GLIS3: variants seen among roughly 807,000 people sequenced by gnomAD.
GLIS3 encodes the protein GLIS family zinc finger 3, also known as zinc finger protein GLIS3.
In GLIS3, 53 loss-of-function variants were observed where a neutral mutation model predicts 78.6. That is an observed-to-expected ratio of 0.67 (90% confidence interval 0.54 to 0.85). The LOEUF is 0.85. Among genes scored for constraint, GLIS3 ranks in the 40% least tolerant of loss-of-function variants. The pLI is 0.00. For missense variants in GLIS3, 1,703 were observed against 1,231.1 expected, an observed-to-expected ratio of 1.38 and a Z score of -5.74; for synonymous variants, 684 against 509.9, an observed-to-expected ratio of 1.34 and a Z score of -4.60.
chr9:3,828,553 T>G, intron 10 of GLIS3, 145 bp from the exon 11 acceptor site: 4 of 1,014,150 alleles, frequency 3.9e-6, no homozygotes, highest in Non-Finnish European at 5.9e-6. Context: ...AGTGAGTCTC[T>G]GTTTCCAGCG....
At position 3,913,292 on chromosome 9, in the gene GLIS3, C is replaced by T. The variant is rs182852007; in HGVS notation, c.1984-14457G>A. Among the ~76,000 whole-genome samples, 10 of 152,292 alleles carry T rather than the reference C, an allele frequency of 6.6e-5. No individual in the cohort carries two copies. The East Asian group carries it at 1.7e-3, about 26-fold the overall frequency. ...CCTACTTCTAAAAGTTGAAGACTGT[C>T]GTTTCAATGGAGAGCACTTGCTTTT... is the stretch of plus-strand genomic sequence containing the variant. On this transcript the variant is annotated intron_variant, in intron 6 of 10. Transcript: ENST00000381971.
chr9:4,135,397 T>C (rs1246968802), intron 2 of GLIS3, among the ~76,000 whole-genome samples: 1 of 152,152 alleles, frequency 6.6e-6, no homozygotes, highest in Non-Finnish European at 1.5e-5. Flanking sequence ...TCTGAATTCA[T>C]TCAAATATGA....
At chr9:4,160,745 A>G (rs1835408925) in intron 2 of GLIS3, among the ~76,000 whole-genome samples, 1 of 152,200 alleles carries the variant, frequency 6.6e-6, no homozygotes, top group Non-Finnish European at 1.5e-5. Flanking sequence ...GTACTTTCCA[A>G]CCTATTCTAT....
chr9:4,242,862 T>G (rs2129728976), intron 2 of GLIS3, among the ~76,000 whole-genome samples: 1 of 152,160 alleles, frequency 6.6e-6, no homozygotes, highest in East Asian at 1.9e-4. Context: ...AATATTAACT[T>G]GTTTCATTTT....
chr9:4,302,335 C>T (rs975140023), upstream of GLIS3, among the ~76,000 whole-genome samples: 2 of 152,174 alleles, frequency 1.3e-5, no homozygotes, highest in African/African-American at 4.8e-5. Flanking sequence ...GTGCCTCAAC[C>T]GCTGACTCAG....
At chr9:4,208,302 G>C (rs1034577960) in intron 2 of GLIS3, among the ~76,000 whole-genome samples, 1 of 152,200 alleles carries the variant, frequency 6.6e-6, no homozygotes, top group Non-Finnish European at 1.5e-5. Flanking sequence ...GGGATGGAGA[G>C]GACTCCTGTT....
chr9:4,399,005 C>A, the GLIS3 span, among the ~76,000 whole-genome samples: 1 of 152,254 alleles, frequency 6.6e-6, no homozygotes, highest in East Asian at 1.9e-4. Context: ...TTCTTAGATT[C>A]CTTTGTTTTC....
chr9:4,173,753 T>C (rs925050222), intron 2 of GLIS3, among the ~76,000 whole-genome samples: 1 of 152,106 alleles, frequency 6.6e-6, no homozygotes, highest in Non-Finnish European at 1.5e-5. Flanking sequence ...TGTGCCACCA[T>C]GCCCAGTAAG....
chr9:4,475,301 A>G, the GLIS3 span, among the ~76,000 whole-genome samples: 1 of 152,254 alleles, frequency 6.6e-6, no homozygotes, highest in Non-Finnish European at 1.5e-5. Flanking sequence ...GGCTGAACAG[A>G]TGCTTCACAG....
the GLIS3 span, among the ~76,000 whole-genome samples, chr9:4,398,615 C>A: frequency 6.6e-6 from 1 of 152,004 alleles, no homozygotes; most frequent in South Asian, 2.1e-4. Context: ...TGGCTCCTCA[C>A]TCACCCTCTT....
At chr9:4,166,967 G>T (rs755996981) in intron 2 of GLIS3, among the ~76,000 whole-genome samples, 1 of 152,180 alleles carries the variant, frequency 6.6e-6, no homozygotes, top group South Asian at 2.1e-4. Flanking sequence ...TCCTGTTTGC[G>T]AACAACTCCA....
intron 4 of GLIS3, among the ~76,000 whole-genome samples, chr9:4,063,477 T>C (rs1826828160): frequency 6.6e-6 from 1 of 151,802 alleles, no homozygotes; most frequent in Non-Finnish European, 1.5e-5. Context: ...TTTAGCGCAT[T>C]AACAGAATAA....
chr9:3,908,109 C>A (rs1823846657), intron 6 of GLIS3, among the ~76,000 whole-genome samples: 1 of 152,122 alleles, frequency 6.6e-6, no homozygotes, highest in South Asian at 2.1e-4. Context: ...TTTGCCAGAA[C>A]AATAAGGACT....
intron 4 of GLIS3, chr9:4,305,821 G>C (rs1452997862): frequency 6.6e-6 from 1 of 152,194 alleles, no homozygotes; most frequent in African/African-American, 2.4e-5. Flanking sequence ...ACTTGGTGAA[G>C]GGAAGGGTGG....
At chr9:3,968,358 C>G (rs1049167160) in intron 4 of GLIS3, among the ~76,000 whole-genome samples, 7 of 151,990 alleles carry the variant, frequency 4.6e-5, no homozygotes, top group African/African-American at 1.7e-4. Flanking sequence ...CTCATGGTAG[C>G]CTAATTAAAT....
intron 9 of GLIS3, among the ~76,000 whole-genome samples, chr9:3,835,458 G>C (rs1029532838): frequency 6.6e-6 from 1 of 152,216 alleles, no homozygotes; most frequent in Admixed American, 6.5e-5. Context: ...TGATATGTCA[G>C]ATGGGAAAAC....
intron 2 of GLIS3, among the ~76,000 whole-genome samples, chr9:4,273,238 C>T (rs1826677640): frequency 6.6e-6 from 1 of 152,170 alleles, no homozygotes; most frequent in Admixed American, 6.5e-5. Context: ...TCTATACTAC[C>T]TCACACAGAT....
the GLIS3 span, among the ~76,000 whole-genome samples, chr9:4,366,525 G>A: frequency 2.6e-5 from 4 of 152,144 alleles, no homozygotes; most frequent in Non-Finnish European, 4.4e-5. Flanking sequence ...TTTCTTTCCT[G>A]TATTCAGAGA....
chr9:4,326,041 C>A (rs1021267290), intron 2 of GLIS3, among the ~76,000 whole-genome samples: 8 of 152,112 alleles, frequency 5.3e-5, no homozygotes, highest in African/African-American at 1.9e-4. Context: ...ACAACACACA[C>A]TGGGGCCTGT....
Sources: allele counts gnomAD v4.1 joint callset (sites outside exome capture counted in the v4.1 genomes callset), GRCh38; gene constraint gnomAD v4.1.1; transcripts MANE v1.5; gene names NCBI Gene and HGNC (gene_info 2026-07-23, HGNC 2026-07-21).